CTDNEP1: variants seen among roughly 807,000 people sequenced by gnomAD.
The protein encoded by CTDNEP1 is CTD nuclear envelope phosphatase 1.
Under a neutral mutation model 30.1 loss-of-function variants are expected in CTDNEP1, and 3 were observed. The ratio of observed to expected loss-of-function variants is 0.10; its 90% CI spans 0.05 to 0.26. CTDNEP1 has a LOEUF of 0.26. Among genes scored for constraint, CTDNEP1 ranks in the 10% least tolerant of loss-of-function variants. CTDNEP1 has a pLI of 1.00. For synonymous variants in CTDNEP1, 123 were observed against 118.8 expected, an observed-to-expected ratio of 1.04 and a Z score of -0.23; for missense variants, 158 against 310.4, an observed-to-expected ratio of 0.51 and a Z score of 3.69.
chr17:7,244,920 G>A (rs891290233), intron 6 of CTDNEP1: 8 of 308,638 alleles, frequency 2.6e-5, no homozygotes, highest in Admixed American at 1.4e-4. Flanking sequence ...CACTTTGAGA[G>A]GCCGAGGTGG....
rs973435140 is a variant in CTDNEP1 at position 7,251,493 on chromosome 17, G to C, written c.-197C>G. 3 of 410,534 alleles carry C rather than the reference G, an allele frequency of 7.3e-6. No homozygotes were observed. The highest frequency in any genetic ancestry group is 6.3e-5 in the African/African-American group (3 of 47,360). The allele number at this position is 410,534 out of a possible 1,614,324, so 25.4% of individuals were successfully genotyped here. Reference sequence around the variant, plus strand: ...AGCCCAGCGGAACGGGGAGCTGGGGGACAGGCGTGGGCAGCCCGCGGGGGC... The same window carrying C: ...AGCCCAGCGGAACGGGGAGCTGGGGCACAGGCGTGGGCAGCCCGCGGGGGC... On this transcript the variant is annotated 5_prime_UTR_variant, in exon 1 of 8. Transcript: ENST00000574322.
At chr17:7,245,691 G>A (rs374251450) in intron 6 of CTDNEP1, among the ~76,000 whole-genome samples, 3 of 151,494 alleles carry the variant, frequency 2.0e-5, no homozygotes, top group South Asian at 2.1e-4. Flanking sequence ...GTAGAGATGG[G>A]GTTTCACCAT....
In CTDNEP1 at chr17:7,246,440, C is replaced by T. The variant is rs781022975; in HGVS notation, c.361-70G>A. On this transcript the variant is annotated intron_variant, in intron 4 of 7. Coordinates refer to ENST00000574322, the MANE Select transcript of CTDNEP1 (RefSeq NM_001143775.2). The surrounding 1 kb of genome is among the most constrained non-coding windows in gnomAD (Gnocchi z 4.9). ...TTCCTTTAGACATACAGTTATCTTT[C>T]AGAAAGGCAATGGCATAGTCCTTCA... 7.7e-6 allele frequency: 9 copies of T among 1,162,944 alleles called. No homozygotes were observed. The highest frequency in any genetic ancestry group is 1.2e-5 in the Non-Finnish European group (9 of 778,102). 72.0% of individuals were successfully genotyped at this position (1,162,944 alleles called of 1,614,324 possible).
At position 7,243,615 on chromosome 17, in the gene CTDNEP1, G is replaced by A. The variant is rs1388904241; in HGVS notation, c.*570C>T. The A allele has an allele frequency of 6.5e-6, 1 of 152,762 alleles. No individual in the cohort carries two copies. Among genetic ancestry groups the A allele is most frequent in the Non-Finnish European group, 1.5e-5 (1 of 68,444 alleles). The allele number at this position is 152,762 out of a possible 1,614,324, so 9.5% of individuals were successfully genotyped here. A position where few individuals can be genotyped will look rare whatever the true frequency, so the allele number is the denominator to read the frequency against. Reference sequence around the variant, plus strand: ...CTTTGGTTTCAAAGTTATAATGCATGGTTTAAAAGAGAGAAAAGGAAAAAA... The same window carrying A: ...CTTTGGTTTCAAAGTTATAATGCATAGTTTAAAAGAGAGAAAAGGAAAAAA... On this transcript the variant is annotated 3_prime_UTR_variant, in exon 8 of 8. Coordinates refer to ENST00000574322, the MANE Select transcript of CTDNEP1 (RefSeq NM_001143775.2).
chr17:7,247,069 G>A lies in CTDNEP1; in HGVS notation c.283C>T (p.Leu95Phe). The A allele has an allele frequency of 6.2e-7, 1 of 1,608,838 alleles. No homozygotes were observed. Among genetic ancestry groups the A allele is most frequent in the Non-Finnish European group, 8.5e-7 (1 of 1,176,544 alleles). ...VRPGTPPDFILKVVIDKHPVR... is the reference protein window; with the variant it reads ...VRPGTPPDFIFKVVIDKHPVR... ...CACTCCCCACCACCACACACCTTGAGGATGAAGTCAGGAGGCGTACCAGGC... is the reference window on the plus strand; with the variant it reads ...CACTCCCCACCACCACACACCTTGAAGATGAAGTCAGGAGGCGTACCAGGC... The change falls in exon 3 of 8, where the codon CTC becomes TTC. Residue 95 changes from leucine (L) to phenylalanine (F), a missense_variant. By Grantham distance (22) the Leu-to-Phe change is conservative (BLOSUM62 0). Around this residue, in one of 2 missense-constraint regions of CTDNEP1, gnomAD observed 96 missense variants for 229.1 expected, o/e 0.42. Transcript: ENST00000574322.
rs980098472 is a variant in CTDNEP1, at chr17:7,251,396, C to G, written c.-100G>C. 103 of 755,800 alleles carry G rather than the reference C, an allele frequency of 1.4e-4. No individual in the cohort carries two copies. The highest frequency in any genetic ancestry group is 1.9e-4 in the Non-Finnish European group (100 of 523,064). The allele number at this position is 755,800 out of a possible 1,614,324, so 46.8% of individuals were successfully genotyped here. A position where few individuals can be genotyped will look rare whatever the true frequency, so the allele number is the denominator to read the frequency against. ...GCCGCCGGGAGGGGGAACGGGGGCC[C>G]CGAGTGGCAGGAGAGGCTGCAGAGA... is the stretch of plus-strand genomic sequence containing the variant. On this transcript the variant is annotated 5_prime_UTR_variant, in exon 1 of 8. Transcript: ENST00000574322.
chr17:7,247,198 G>C lies in CTDNEP1; in HGVS notation c.170-16C>G, dbSNP rs778676754. 6.2e-7 allele frequency: 1 copy of C among 1,611,298 alleles called. No homozygotes were observed. Among genetic ancestry groups the C allele is most frequent in the Admixed American group, 1.7e-5 (1 of 60,010 alleles). ...TTCACCTGGGCTGAACCAGAGTGGG[G>C]AGGAATAATATTGACCGACCTCTGA... is the stretch of plus-strand genomic sequence containing the variant. On this transcript the variant is annotated splice_polypyrimidine_tract_variant and intron_variant, in intron 2 of 7. Coordinates refer to ENST00000574322, the MANE Select transcript of CTDNEP1 (RefSeq NM_001143775.2).
intron 1 of CTDNEP1, among the ~76,000 whole-genome samples, chr17:7,249,238 C>G (rs1178935882): frequency 6.6e-6 from 1 of 152,214 alleles, no homozygotes; most frequent in Non-Finnish European, 1.5e-5. Context: ...TACAAACCCT[C>G]TTCAGTGCAT....
At position 7,244,590 on chromosome 17, in the gene CTDNEP1, G is replaced by A. The variant is rs755795555; in HGVS notation, c.635C>T (p.Thr212Ile). 1.2e-6 allele frequency: 2 copies of A among 1,613,960 alleles called. No homozygotes were observed. The highest frequency in any genetic ancestry group is 1.7e-6 in the Non-Finnish European group (2 of 1,179,976). Reference sequence around the variant, plus strand: ...CATTGGGAGCAGGTTGAGAAGGGCTGTGTCGCTGGGGTCACTGAACCAGGA... The same window carrying A: ...CATTGGGAGCAGGTTGAGAAGGGCTATGTCGCTGGGGTCACTGAACCAGGA... ...IKSWFSDPSD[T>I]ALLNLLPMLD... Residue 212 changes from threonine to isoleucine, a missense_variant, in exon 7 of 8, where the codon ACA (threonine) becomes ATA (isoleucine). Around this residue, in one of 2 missense-constraint regions of CTDNEP1, gnomAD observed 96 missense variants for 229.1 expected, o/e 0.42. Transcript: ENST00000574322.
In CTDNEP1 at chr17:7,246,249, C is replaced by T; in HGVS notation, c.477+5G>A. On this transcript the variant is annotated splice_donor_5th_base_variant and intron_variant, in intron 5 of 7. Transcript: ENST00000574322. The surrounding 1 kb of genome is among the most constrained non-coding windows in gnomAD (Gnocchi z 4.9). ...CCACACTCTTAGACTGGGATTCTAG[C>T]TTACCTGTCTGTAATATCTCCTCTT... 1 of 1,605,828 alleles carries T rather than the reference C, an allele frequency of 6.2e-7. No individual in the cohort carries two copies. The highest frequency in any genetic ancestry group is 8.5e-7 in the Non-Finnish European group (1 of 1,172,466).
intron 1 of CTDNEP1, among the ~76,000 whole-genome samples, chr17:7,248,438 CA>C (rs1217998354): frequency 1.4e-5 from 2 of 148,032 alleles, no homozygotes; most frequent in Non-Finnish European, 3.0e-5. Context: ...CAGCTCACTG[CA>C]ACCTCCACCT....
intron 6 of CTDNEP1, among the ~76,000 whole-genome samples, chr17:7,245,492 TA>T: frequency 6.6e-6 from 1 of 151,454 alleles, no homozygotes; most frequent in Non-Finnish European, 1.5e-5. Flanking sequence ...ATTTTATTTT[TA>T]TTTATTTATT....
intron 1 of CTDNEP1, among the ~76,000 whole-genome samples, chr17:7,248,362 CTTT>C (rs796375773): frequency 1.1e-5 from 1 of 94,370 alleles, no homozygotes; most frequent in Non-Finnish European, 2.2e-5. Flanking sequence ...CTTTTTTTTT[CTTT>C]TTTTTTTTTT....
intron 3 of CTDNEP1, 46 bp downstream of exon 3, chr17:7,247,018 C>A (rs750607226): frequency 1.3e-6 from 2 of 1,493,012 alleles, no homozygotes; most frequent in Admixed American, 1.7e-5. Flanking sequence ...CAGGTTTGGG[C>A]AGAGGAACAG....
rs760915819 is a variant in CTDNEP1, at chr17:7,247,306, G to A, written c.140C>T (p.Pro47Leu). 4 of 1,613,906 alleles carry A rather than the reference G, an allele frequency of 2.5e-6. No individual in the cohort carries two copies. The South Asian group carries it at 3.3e-5, about 13-fold the overall frequency. ...CCGATTCCGGGACACAGGAGATAAGGGGAGGATATCATATCGAACAGTTTG... is the reference window on the plus strand; with the variant it reads ...CCGATTCCGGGACACAGGAGATAAGAGGAGGATATCATATCGAACAGTTTG... ...QYQTVRYDIL[P>L]LSPVSRNRLA... Residue 47 changes from proline to leucine, a missense_variant, in exon 2 of 8, where the codon CCC (proline) becomes CTC (leucine). By Grantham distance (98) the Pro-to-Leu change is moderately conservative. Coordinates refer to ENST00000574322, the MANE Select transcript of CTDNEP1 (RefSeq NM_001143775.2).
In CTDNEP1 at chr17:7,246,979, CAG is replaced by C; in HGVS notation, c.288+83_288+84del. 1 of 1,411,856 alleles carries C rather than the reference CAG, an allele frequency of 7.1e-7. No individual in the cohort carries two copies. Among genetic ancestry groups the C allele is most frequent in the African/African-American group, 1.4e-5 (1 of 70,844 alleles). The allele number at this position is 1,411,856 out of a possible 1,614,324, so 87.5% of individuals were successfully genotyped here. On this transcript the variant is annotated intron_variant, in intron 3 of 7. Transcript: ENST00000574322. This position sits in a 1 kb window ranked among gnomAD's most constrained non-coding sequence, Gnocchi z 4.9. The stretch of plus-strand genomic sequence containing the variant: ...TGACACTGGTGCCAGCGGATGGAGA[CAG>C]ATGCTCTGGGACTGGGAAAGGGAGT...
At chr17:7,248,833 TG>T (rs2071877950) in intron 1 of CTDNEP1, among the ~76,000 whole-genome samples, 1 of 152,124 alleles carries the variant, frequency 6.6e-6, no homozygotes, top group Non-Finnish European at 1.5e-5. Flanking sequence ...GGGTCCTTAA[TG>T]GGAATATAGA....
At chr17:7,250,428 T>G (rs2071899770) in intron 1 of CTDNEP1, among the ~76,000 whole-genome samples, 1 of 152,016 alleles carries the variant, frequency 6.6e-6, no homozygotes, top group Non-Finnish European at 1.5e-5. Context: ...CCGGACAGTT[T>G]CCCTCAGAAT....
Position 7,246,044 on chromosome 17 carries a change from C to A in CTDNEP1, c.571G>T (p.Ala191Ser), listed in dbSNP as rs763721750. The change falls in exon 6 of 8, where the codon GCT becomes TCT. Residue 191 changes from alanine to serine, a missense_variant. Ala to Ser is a moderately conservative substitution (Grantham distance 99, BLOSUM62 1). Transcript: ENST00000574322. This position sits in a 1 kb window ranked among gnomAD's most constrained non-coding sequence, Gnocchi z 4.9. Reference sequence around the variant, plus strand: ...CCCGTACCTGGATGGCTCCTGTAAGCCCCTGGGGAGTTATCCAGGATCACA... The same window carrying A: ...CCCGTACCTGGATGGCTCCTGTAAGACCCTGGGGAGTTATCCAGGATCACA... ...SIVILDNSPG[A>S]YRSHPDNAIP... 1.2e-6 allele frequency: 2 copies of A among 1,613,240 alleles called. No homozygotes were observed. Among genetic ancestry groups the A allele is most frequent in the Non-Finnish European group, 1.7e-6 (2 of 1,179,300 alleles).
Sources: allele counts gnomAD v4.1 joint callset (sites outside exome capture counted in the v4.1 genomes callset), GRCh38; gene constraint gnomAD v4.1.1; regional missense constraint gnomAD v4.1.1; non-coding constraint Gnocchi (gnomAD v3.1); transcripts MANE v1.5; gene names NCBI Gene and HGNC (gene_info 2026-07-23, HGNC 2026-07-21).